The following KCNIP1 variants were observed in gnomAD, a reference collection of about 807,000 sequenced individuals.
The protein encoded by KCNIP1 is potassium voltage-gated channel interacting protein 1.
A neutral mutation model predicts 33.0 loss-of-function variants in KCNIP1; 18 were observed. The ratio of observed to expected loss-of-function variants is 0.55; its 90% CI spans 0.38 to 0.81. KCNIP1 has a LOEUF of 0.81. Ranked by LOEUF, KCNIP1 falls within the 30% of genes least tolerant of loss-of-function variation. KCNIP1 has a pLI of 0.00. For synonymous variants in KCNIP1, 93 were observed against 98.3 expected (o/e 0.95, Z 0.32); for missense variants, 238 against 271.6 (o/e 0.88, Z 0.87).
chr5:170,695,146 C>G (rs1762848414), intron 1 of KCNIP1, among the ~76,000 whole-genome samples: 1 of 152,158 alleles, frequency 6.6e-6, no homozygotes, highest in African/African-American at 2.4e-5. Context: ...ACCTCCCGAT[C>G]CCCTTCTCTA....
chr5:170,412,098 C>A (rs1043621400), intron 1 of KCNIP1, among the ~76,000 whole-genome samples: 1 of 152,196 alleles, frequency 6.6e-6, no homozygotes, highest in African/African-American at 2.4e-5. Flanking sequence ...AAAGAAAGGA[C>A]AAACGGTTGA....
chr5:170,490,108 C>T (rs760606280), intron 1 of KCNIP1, among the ~76,000 whole-genome samples: 4 of 152,232 alleles, frequency 2.6e-5, no homozygotes, highest in East Asian at 1.9e-4. Context: ...CCTGCATGTA[C>T]ATTGAGATAC....
intron 1 of KCNIP1, among the ~76,000 whole-genome samples, chr5:170,513,387 AGATTTGCATTTC>A (rs1755012425): frequency 6.6e-6 from 1 of 152,232 alleles, no homozygotes; most frequent in African/African-American, 2.4e-5. Context: ...TCAGATTTCC[AGATTTGCATTTC>A]TGCAATCAAG....
chr5:170,455,092 GATAA>G (rs1756342857), intron 1 of KCNIP1, among the ~76,000 whole-genome samples: 2 of 152,076 alleles, frequency 1.3e-5, no homozygotes, highest in Admixed American at 1.3e-4. Context: ...AAGTTGAAGG[GATAA>G]ATAAATAGGC....
intron 1 of KCNIP1, among the ~76,000 whole-genome samples, chr5:170,492,376 C>G (rs1215895962): frequency 2.6e-5 from 4 of 152,384 alleles, no homozygotes; most frequent in African/African-American, 9.6e-5. Flanking sequence ...CATCGAGTTT[C>G]TATGCCCTCT....
At chr5:170,715,123 A>G (rs1231918774) in intron 1 of KCNIP1, among the ~76,000 whole-genome samples, 1 of 152,204 alleles carries the variant, frequency 6.6e-6, no homozygotes, top group Non-Finnish European at 1.5e-5. Flanking sequence ...ATGTTTGGAC[A>G]CACAAATACT....
intron 1 of KCNIP1, among the ~76,000 whole-genome samples, chr5:170,651,120 G>A (rs1413625532): frequency 6.6e-6 from 1 of 152,184 alleles, no homozygotes; most frequent in Non-Finnish European, 1.5e-5. Flanking sequence ...GCTCTTAGGG[G>A]ACAGCTAGAG....
intron 5 of KCNIP1, among the ~76,000 whole-genome samples, chr5:170,723,767 T>C (rs2113878814): frequency 6.6e-6 from 1 of 152,224 alleles, no homozygotes; most frequent in East Asian, 1.9e-4. Context: ...AGGTAGAAGA[T>C]ATTTTGGCAG....
At chr5:170,369,826 G>A (rs531368474) in intron 1 of KCNIP1, among the ~76,000 whole-genome samples, 128 of 152,326 alleles carry the variant, frequency 8.4e-4, no homozygotes, top group Non-Finnish European at 1.5e-3. Flanking sequence ...GGGCCAGGAG[G>A]TTGGCCTACC....
chr5:170,436,686 T>C (rs544178995), intron 1 of KCNIP1, among the ~76,000 whole-genome samples: 2 of 152,248 alleles, frequency 1.3e-5, no homozygotes, highest in East Asian at 3.9e-4. Flanking sequence ...TGTGTTCCCC[T>C]GTTTTCTGCT....
chr5:170,710,923 T>C (rs1459548254), intron 1 of KCNIP1, among the ~76,000 whole-genome samples: 3 of 152,228 alleles, frequency 2.0e-5, no homozygotes. Context: ...TTCTTAAACA[T>C]GTCAACACTG....
At chr5:170,703,760 G>A (rs1179643325) in intron 1 of KCNIP1, among the ~76,000 whole-genome samples, 1 of 138,080 alleles carries the variant, frequency 7.2e-6, no homozygotes, top group Admixed American at 7.9e-5. Context: ...CCACTGTCTC[G>A]GGACTCTTAA....
rs555577432 is a variant in KCNIP1, at chr5:170,635,952, G to A, written c.62-82806G>A. On this transcript the variant is annotated intron_variant, in intron 1 of 7. Coordinates refer to ENST00000328939, the MANE Select transcript of KCNIP1 (RefSeq NM_014592.4). Reference sequence around the variant, plus strand: ...AGTGGCCAGGCCCTGGGTATATTTTGAAGGTCAAGCCAACAGGACTTGCCA... The same window carrying A: ...AGTGGCCAGGCCCTGGGTATATTTTAAAGGTCAAGCCAACAGGACTTGCCA... Among the ~76,000 whole-genome samples, 172 of 152,344 alleles carry A rather than the reference G, an allele frequency of 1.1e-3. 1 individual carries two copies. The highest frequency in any genetic ancestry group is 1.9e-3 in the South Asian group (9 of 4,824).
chr5:170,450,827 G>A (rs977421002), intron 1 of KCNIP1, among the ~76,000 whole-genome samples: 8 of 152,082 alleles, frequency 5.3e-5, no homozygotes, highest in African/African-American at 1.4e-4. Flanking sequence ...CAAGCTGAGC[G>A]CTCATCACAC....
Position 170,354,700 on chromosome 5 carries a change from G to A in KCNIP1, c.88+736G>A, listed in dbSNP as rs191862457. On this transcript the variant is annotated intron_variant, in intron 1 of 7. Coordinates refer to the KCNIP1 transcript ENST00000377360. ...CCCCAGATGGGCCCACAGCCGGGAG[G>A]CAGAAAGAAGGCTAACTCCTCAGGG... Among the ~76,000 whole-genome samples, 3 of 152,328 alleles carry A rather than the reference G, an allele frequency of 2.0e-5. No individual in the cohort carries two copies. In the East Asian group the frequency reaches 5.8e-4, roughly 29 times the overall value.
chr5:170,656,300 A>G (rs1761261158), intron 1 of KCNIP1, among the ~76,000 whole-genome samples: 1 of 152,234 alleles, frequency 6.6e-6, no homozygotes, highest in Non-Finnish European at 1.5e-5. Context: ...TTGCAATTTT[A>G]AGTCCTTGTG....
intron 1 of KCNIP1, among the ~76,000 whole-genome samples, chr5:170,586,979 T>C (rs1758011445): frequency 6.6e-6 from 1 of 152,174 alleles, no homozygotes; most frequent in African/African-American, 2.4e-5. Context: ...GACAGATATA[T>C]AGGCAACAAG....
intron 1 of KCNIP1, among the ~76,000 whole-genome samples, chr5:170,656,160 C>A (rs968060139): frequency 6.6e-6 from 1 of 152,214 alleles, no homozygotes; most frequent in Non-Finnish European, 1.5e-5. Context: ...GAACCCTGTT[C>A]TAATAATAGG....
At chr5:170,667,274 T>C (rs1383809852) in intron 1 of KCNIP1, among the ~76,000 whole-genome samples, 2 of 150,306 alleles carry the variant, frequency 1.3e-5, no homozygotes, top group Non-Finnish European at 2.9e-5. Flanking sequence ...ATCGTGCCAT[T>C]GCACTCCAGC....
Sources: gnomAD v4.1 joint callset for allele counts (sites outside exome capture counted in the v4.1 genomes callset) on GRCh38, gnomAD v4.1.1 for gene constraint, MANE v1.5 for transcripts, NCBI Gene and HGNC (gene_info 2026-07-23, HGNC 2026-07-21) for gene names.